CNTNAP2: variants seen among roughly 807,000 people sequenced by gnomAD.
CNTNAP2 encodes contactin-associated protein-like 2.
A neutral mutation model predicts 155.2 loss-of-function variants in CNTNAP2; 98 were observed. The observed-to-expected ratio is 0.63, with a 90% CI of 0.54 to 0.75. CNTNAP2 has a LOEUF of 0.75. CNTNAP2 is among the 30% of genes least tolerant of loss of function. The pLI is 0.00. For synonymous variants in CNTNAP2, 651 were observed against 631.2 expected (o/e 1.03, Z -0.47); for missense variants, 1,727 against 1,688.1 (o/e 1.02, Z -0.40).
intron 3 of CNTNAP2, among the ~76,000 whole-genome samples, chr7:146,854,398 G>A (rs867637948): frequency 4.9e-4 from 74 of 152,264 alleles, no homozygotes; most frequent in African/African-American, 1.7e-3. Context: ...AAAATTCAGT[G>A]ACAAGTTGTA....
chr7:146,954,929 C>A (rs935290898), intron 3 of CNTNAP2, among the ~76,000 whole-genome samples: 9 of 151,800 alleles, frequency 5.9e-5, no homozygotes, highest in African/African-American at 1.9e-4. Context: ...TTAAACCATG[C>A]AAAGCTCCCC....
intron 12 of CNTNAP2, among the ~76,000 whole-genome samples, chr7:147,629,713 C>A (rs1247148178): frequency 6.6e-6 from 1 of 151,902 alleles, no homozygotes; most frequent in Non-Finnish European, 1.5e-5. Context: ...AATTAAATCA[C>A]CTGTTCCTTA....
chr7:147,665,663 T>A (rs1292660804), intron 13 of CNTNAP2, among the ~76,000 whole-genome samples: 1 of 152,056 alleles, frequency 6.6e-6, no homozygotes, highest in East Asian at 1.9e-4. Flanking sequence ...TGTGTTTCCC[T>A]CTGTCTGTCC....
Position 147,496,785 on chromosome 7 carries a change from T to A in CNTNAP2, c.1777+10744T>A, listed in dbSNP as rs554704655. 2.9e-5 allele frequency: 4 copies of A among 137,780 alleles called. No homozygotes were observed. The South Asian group carries it at 9.6e-4, about 33-fold the overall frequency. The allele number at this position is 137,780 out of a possible 1,614,324, so 8.5% of individuals were successfully genotyped here. On this transcript the variant is annotated intron_variant, in intron 11 of 23. Transcript: ENST00000361727. Reference sequence around the variant, plus strand: ...GAAAGTTGAATTATTGGTTCCCGTATTTTTTATTTTTTATTTTTTTTTATA... The same window carrying A: ...GAAAGTTGAATTATTGGTTCCCGTAATTTTTATTTTTTATTTTTTTTTATA...
chr7:147,611,050 A>G (rs538607747), intron 12 of CNTNAP2, among the ~76,000 whole-genome samples: 1 of 151,902 alleles, frequency 6.6e-6, no homozygotes, highest in Non-Finnish European at 1.5e-5. Flanking sequence ...CATTTAGCAT[A>G]TTTGAACCAC....
chr7:147,252,129 A>C (rs1804212912), intron 8 of CNTNAP2, among the ~76,000 whole-genome samples: 1 of 152,182 alleles, frequency 6.6e-6, no homozygotes, highest in Non-Finnish European at 1.5e-5. Flanking sequence ...TTGCTGAATA[A>C]GCTGAATTCA....
At chr7:146,172,301 A>G (rs963548211) in intron 1 of CNTNAP2, among the ~76,000 whole-genome samples, 1 of 151,996 alleles carries the variant, frequency 6.6e-6, no homozygotes, top group African/African-American at 2.4e-5. Context: ...GAGGAATGCT[A>G]CTGACATCTA....
chr7:146,357,484 A>G (rs1056020493), intron 1 of CNTNAP2, among the ~76,000 whole-genome samples: 4 of 152,164 alleles, frequency 2.6e-5, no homozygotes, highest in East Asian at 3.9e-4. Context: ...TATAGATTAC[A>G]TCTTATAGAT....
intron 13 of CNTNAP2, among the ~76,000 whole-genome samples, chr7:147,687,129 A>C (rs1398148198): frequency 6.6e-6 from 1 of 152,106 alleles, no homozygotes; most frequent in African/African-American, 2.4e-5. Flanking sequence ...CTTGTATCCC[A>C]AAAATATGAA....
At chr7:147,435,909 TA>T (rs1175911717) in intron 10 of CNTNAP2, among the ~76,000 whole-genome samples, 5 of 152,238 alleles carry the variant, frequency 3.3e-5, no homozygotes, top group African/African-American at 1.2e-4. Context: ...TAATAAAACT[TA>T]TCTCTCTTTT....
intron 13 of CNTNAP2, among the ~76,000 whole-genome samples, chr7:147,785,583 A>T (rs1449327145): frequency 6.6e-6 from 1 of 152,214 alleles, no homozygotes; most frequent in Non-Finnish European, 1.5e-5. Context: ...AGAGTTGGGG[A>T]TGCTTGAATT....
intron 1 of CNTNAP2, among the ~76,000 whole-genome samples, chr7:146,520,549 T>C (rs1296233728): frequency 1.3e-5 from 2 of 151,626 alleles, no homozygotes; most frequent in Non-Finnish European, 3.0e-5. Flanking sequence ...ATAGATGACA[T>C]ATACTGAACA....
intron 2 of CNTNAP2, among the ~76,000 whole-genome samples, chr7:146,814,553 A>C (rs1014397449): frequency 4.6e-5 from 7 of 152,198 alleles, no homozygotes; most frequent in Non-Finnish European, 1.0e-4. Context: ...ATCTCATATT[A>C]GTTTAGCATT....
At chr7:147,072,503 G>A (rs1049625397) in intron 4 of CNTNAP2, among the ~76,000 whole-genome samples, 1 of 152,158 alleles carries the variant, frequency 6.6e-6, no homozygotes. Context: ...AGAAGACTTG[G>A]TAACACCTGT....
intron 1 of CNTNAP2, among the ~76,000 whole-genome samples, chr7:146,607,427 G>A (rs1036832424): frequency 2.6e-5 from 4 of 151,868 alleles, no homozygotes; most frequent in African/African-American, 7.3e-5. Context: ...CAAACTCAAC[G>A]AGCCTAAAAC....
At chr7:146,740,394 A>G (rs146775723) in intron 1 of CNTNAP2, among the ~76,000 whole-genome samples, 42 of 149,614 alleles carry the variant, frequency 2.8e-4, no homozygotes, top group African/African-American at 1.0e-3. Flanking sequence ...AAGTTCTCCG[A>G]GCTTCTTTAA....
At chr7:148,070,455 T>C (rs1472083145) in intron 15 of CNTNAP2, among the ~76,000 whole-genome samples, 2 of 152,234 alleles carry the variant, frequency 1.3e-5, no homozygotes, top group Non-Finnish European at 1.5e-5. Flanking sequence ...CCGTGGCTCA[T>C]GCCTGTAATC....
At chr7:148,286,596 G>A (rs961712877) in intron 21 of CNTNAP2, among the ~76,000 whole-genome samples, 3 of 106,994 alleles carry the variant, frequency 2.8e-5, no homozygotes, top group Admixed American at 1.0e-4. Flanking sequence ...CCTAAAACAC[G>A]TTAAAAAAAA....
intron 12 of CNTNAP2, among the ~76,000 whole-genome samples, chr7:147,634,029 T>TA (rs1795135049): frequency 1.3e-5 from 2 of 152,146 alleles, no homozygotes; most frequent in African/African-American, 4.8e-5. Flanking sequence ...GTACAAGCAC[T>TA]ATGGAAAACA....
Sources: allele counts gnomAD v4.1 joint callset (sites outside exome capture counted in the v4.1 genomes callset), GRCh38; gene constraint gnomAD v4.1.1; transcripts MANE v1.5; gene names NCBI Gene and HGNC (gene_info 2026-07-23, HGNC 2026-07-21).